Variants in ATG7 observed in about 807,000 individuals in gnomAD.
The protein encoded by ATG7 is ubiquitin-like modifier-activating enzyme ATG7.
In ATG7, 70 loss-of-function variants were observed where a neutral mutation model predicts 82.4. The observed-to-expected ratio is 0.85, with a 90% CI of 0.70 to 1.04. The LOEUF (loss-of-function observed/expected upper bound fraction) is 1.04. ATG7 is among the 50% of genes least tolerant of loss of function. The pLI is 0.00. For missense variants in ATG7, 792 were observed against 864.3 expected, an observed-to-expected ratio of 0.92 and a Z score of 1.05; for synonymous variants, 287 against 313.0, an observed-to-expected ratio of 0.92 and a Z score of 0.88.
In ATG7 at chr3:11,357,950, C is replaced by T. The variant is rs117924897; in HGVS notation, c.1285-468C>T. On this transcript the variant is annotated intron_variant, in intron 14 of 20. Transcript: ENST00000693202. ...CTTGAGCCCAAGAGGTCATGGTTTC[C>T]GTGAGCTATGATTGTGCTAGTGCCC... Among the ~76,000 whole-genome samples, 537 of 149,724 alleles carry T rather than the reference C, an allele frequency of 3.6e-3. 22 individuals are homozygous for T. The East Asian group carries it at 0.096, about 27-fold the overall frequency.
intron 19 of ATG7, 35 bp from the exon 20 acceptor site, chr3:11,426,769 G>A (rs529355487): frequency 6.6e-7 from 1 of 1,524,942 alleles, no homozygotes; most frequent in Admixed American, 2.2e-5. Context: ...TTTAAGTCTG[G>A]AGACTCCTTT....
At chr3:11,552,332 C>T (rs184486952) in intron 20 of ATG7, among the ~76,000 whole-genome samples, 16 of 152,268 alleles carry the variant, frequency 1.1e-4, no homozygotes. Context: ...AGTGTTTTGC[C>T]ATACCCTTGT....
In ATG7 at chr3:11,556,914, C is replaced by G. The variant is rs867275810; in HGVS notation, c.*2071C>G. On this transcript the variant is annotated 3_prime_UTR_variant, in exon 21 of 21. Coordinates refer to ENST00000693202, the MANE Select transcript of ATG7 (RefSeq NM_001349232.2). ...TTTCTTTCCTCCACTTTTCAAAGGCCTGCAGCCACTCTGTGACTACAAGAG... is the reference window on the plus strand; with the variant it reads ...TTTCTTTCCTCCACTTTTCAAAGGCGTGCAGCCACTCTGTGACTACAAGAG... The G allele has an allele frequency of 2.0e-5, 3 of 152,742 alleles. No individual in the cohort carries two copies. The highest frequency in any genetic ancestry group is 2.9e-5 in the Non-Finnish European group (2 of 68,048). 9.5% of individuals were successfully genotyped at this position (152,742 alleles called of 1,614,324 possible). A position where few individuals can be genotyped will look rare whatever the true frequency, so the allele number is the denominator to read the frequency against.
intron 18 of ATG7, among the ~76,000 whole-genome samples, chr3:11,366,133 G>A (rs1047103130): frequency 5.3e-5 from 8 of 150,496 alleles, no homozygotes; most frequent in South Asian, 2.1e-4. Context: ...CAGGAGAATC[G>A]CTTGAACCCG....
intron 16 of ATG7, among the ~76,000 whole-genome samples, 191 bp from the exon 17 acceptor site, chr3:11,362,622 G>C (rs2076354936): frequency 6.6e-6 from 1 of 152,130 alleles, no homozygotes; most frequent in Admixed American, 6.6e-5. Flanking sequence ...ACCTCATTTA[G>C]TTACCTAAAT....
At position 11,453,828 on chromosome 3, in the gene ATG7, C is replaced by T. The variant is rs112738965; in HGVS notation, c.2079+26902C>T. ...GGGGGAGTGCAAGGGGTGGGGGGGA[C>T]ATCTGGAGCCTGAAGCAGGCATGGA... On this transcript the variant is annotated intron_variant, in intron 20 of 20. Coordinates refer to ENST00000693202, the MANE Select transcript of ATG7 (RefSeq NM_001349232.2). Among the ~76,000 whole-genome samples, 590 of 152,200 alleles carry T rather than the reference C, an allele frequency of 3.9e-3. 4 individuals are homozygous for T. The highest frequency in any genetic ancestry group is 0.013 in the African/African-American group (555 of 41,506).
At chr3:11,322,745 T>C (rs2152739581) in intron 9 of ATG7, among the ~76,000 whole-genome samples, 1 of 152,342 alleles carries the variant, frequency 6.6e-6, no homozygotes, top group African/African-American at 2.4e-5. Flanking sequence ...TTCCTCTCCT[T>C]ATCCCCTGTA....
chr3:11,351,526 G>C (rs1369839633), intron 14 of ATG7, among the ~76,000 whole-genome samples: 1 of 152,184 alleles, frequency 6.6e-6, no homozygotes, highest in African/African-American at 2.4e-5. Flanking sequence ...AGAAGGCTGA[G>C]GTGGGAGCAA....
At chr3:11,469,315 G>A (rs2087159586) in intron 20 of ATG7, among the ~76,000 whole-genome samples, 1 of 152,148 alleles carries the variant, frequency 6.6e-6, no homozygotes, top group South Asian at 2.1e-4. Context: ...CAGGCGTAGT[G>A]GCGCATGCCT....
At chr3:11,492,850 T>G (rs1575019897) in intron 20 of ATG7, among the ~76,000 whole-genome samples, 1 of 152,330 alleles carries the variant, frequency 6.6e-6, no homozygotes, top group East Asian at 1.9e-4. Flanking sequence ...GGAACAAACT[T>G]TGTGCAGACC....
rs183843977 is a variant in ATG7 at position 11,539,416 on chromosome 3, T to G, written c.2080-15395T>G. On this transcript the variant is annotated intron_variant, in intron 20 of 20. Transcript: ENST00000693202. ...ATAGTGATTAATGGCTATAGCAGAATCAGATCAGGGTAAGAGAAGGCATGG... is the reference window on the plus strand; with the variant it reads ...ATAGTGATTAATGGCTATAGCAGAAGCAGATCAGGGTAAGAGAAGGCATGG... 1.9e-3 allele frequency among the ~76,000 whole-genome samples: 285 copies of G among 152,294 alleles called. 2 individuals are homozygous for G. The highest frequency in any genetic ancestry group is 0.01 in the South Asian group (50 of 4,820).
intron 20 of ATG7, among the ~76,000 whole-genome samples, chr3:11,505,287 G>T (rs147508742): frequency 6.6e-6 from 1 of 152,142 alleles, no homozygotes; most frequent in African/African-American, 2.4e-5. Flanking sequence ...GAGTGTTCGC[G>T]CAGGTAGAGA....
chr3:11,406,147 G>A (rs1036982917), intron 19 of ATG7, among the ~76,000 whole-genome samples: 4 of 151,842 alleles, frequency 2.6e-5, no homozygotes, highest in Admixed American at 6.6e-5. Context: ...ACATCCCCAC[G>A]CCTGGCTAAT....
chr3:11,516,887 AC>A (rs1490036754), intron 20 of ATG7, among the ~76,000 whole-genome samples: 1 of 151,922 alleles, frequency 6.6e-6, no homozygotes, highest in Non-Finnish European at 1.5e-5. Context: ...ATTCAACAAC[AC>A]CCTGGCCAAC....
chr3:11,540,967 T>G (rs2070776376), intron 20 of ATG7, among the ~76,000 whole-genome samples: 1 of 150,488 alleles, frequency 6.6e-6, no homozygotes, highest in South Asian at 2.1e-4. Flanking sequence ...TGGTGCAATC[T>G]TGGCTCACTG....
intron 16 of ATG7, 141 bp downstream of exon 16, chr3:11,360,925 G>A (rs2076242015): frequency 6.2e-6 from 6 of 962,026 alleles, no homozygotes; most frequent in Non-Finnish European, 6.1e-6. Flanking sequence ...GGGGAGGATG[G>A]CATTATCTCA....
chr3:11,506,640 G>C (rs922063124), intron 20 of ATG7, among the ~76,000 whole-genome samples: 1 of 151,720 alleles, frequency 6.6e-6, no homozygotes, highest in Non-Finnish European at 1.5e-5. Context: ...TACTCAGGAG[G>C]CTGAGGCAGG....
intron 20 of ATG7, among the ~76,000 whole-genome samples, chr3:11,521,344 C>T: frequency 6.6e-6 from 1 of 152,092 alleles, no homozygotes; most frequent in East Asian, 1.9e-4. Flanking sequence ...CTAAGAGTCA[C>T]AGAGGGTGAC....
At chr3:11,382,492 G>A (rs192060897) in intron 19 of ATG7, among the ~76,000 whole-genome samples, 26 of 152,316 alleles carry the variant, frequency 1.7e-4, no homozygotes, top group Non-Finnish European at 1.5e-4. Flanking sequence ...ATGGTGGGGA[G>A]AGGTGGGTGG....
Sources: allele counts gnomAD v4.1 joint callset (sites outside exome capture counted in the v4.1 genomes callset), GRCh38; gene constraint gnomAD v4.1.1; transcripts MANE v1.5; gene names NCBI Gene and HGNC (gene_info 2026-07-23, HGNC 2026-07-21).